XPO4: variants seen among roughly 807,000 people sequenced by gnomAD.
The protein encoded by XPO4 is exportin 4.
Under a neutral mutation model 143.0 loss-of-function variants are expected in XPO4, and 39 were observed. The ratio of observed to expected loss-of-function variants is 0.27; its 90% CI spans 0.21 to 0.36. The LOEUF (loss-of-function observed/expected upper bound fraction) is 0.36. XPO4 is among the 10% of genes least tolerant of loss of function. The pLI is 1.00. For synonymous variants in XPO4, 439 were observed against 474.0 expected (o/e 0.93, Z 0.96); for missense variants, 907 against 1,348.0 (o/e 0.67, Z 5.12).
At chr13:20,797,559 C>T (rs573308716) in intron 16 of XPO4, among the ~76,000 whole-genome samples, 10 of 152,150 alleles carry the variant, frequency 6.6e-5, no homozygotes, top group Admixed American at 3.3e-4. Flanking sequence ...TATCTTAATT[C>T]GACTTTAAGT....
intron 1 of XPO4, among the ~76,000 whole-genome samples, chr13:20,897,223 C>T (rs1032266373): frequency 7.2e-5 from 11 of 152,038 alleles, no homozygotes; most frequent in African/African-American, 1.2e-4. Flanking sequence ...ATTTTTATGA[C>T]GTGTACTGTG....
chr13:20,821,072 T>C (rs552166411), intron 9 of XPO4, among the ~76,000 whole-genome samples: 1 of 152,286 alleles, frequency 6.6e-6, no homozygotes, highest in East Asian at 1.9e-4. Context: ...TTAGTAGACG[T>C]CTAAATTTAA....
chr13:20,809,659 A>G (rs1217208372), intron 10 of XPO4, 132 bp downstream of exon 10: 2 of 1,001,424 alleles, frequency 2.0e-6, no homozygotes, highest in Non-Finnish European at 2.8e-6. Flanking sequence ...TCAGAGAACA[A>G]GGCCACTTTT....
intron 22 of XPO4, 98 bp downstream of exon 22, chr13:20,786,867 G>T: frequency 3.3e-6 from 3 of 895,850 alleles, no homozygotes; most frequent in South Asian, 2.1e-5. Flanking sequence ...CTGAGTCACA[G>T]ATCCTATAAG....
In XPO4 at chr13:20,779,918, T is replaced by C. The variant is rs2059121794; in HGVS notation, c.*3804A>G. On this transcript the variant is annotated 3_prime_UTR_variant, in exon 23 of 23. Transcript: ENST00000255305. ...CTCAGCAATATGCCTAATTTGGACA[T>C]TTTAATTTTAGAAAACCAATTTTTA... 2 of 152,568 alleles carry C rather than the reference T, an allele frequency of 1.3e-5. No individual in the cohort carries two copies. Among genetic ancestry groups the C allele is most frequent in the South Asian group, 4.1e-4 (2 of 4,834 alleles). The allele number at this position is 152,568 out of a possible 1,614,324, so 9.5% of individuals were successfully genotyped here. A position where few individuals can be genotyped will look rare whatever the true frequency, so the allele number is the denominator to read the frequency against.
At position 20,842,991 on chromosome 13, in the gene XPO4, T is replaced by G; in HGVS notation, c.631A>C (p.Arg211=). The change falls in exon 6 of 23, where the codon AGG becomes CGG. Residue 211 remains arginine (R), a synonymous_variant. Transcript: ENST00000255305. The stretch of plus-strand genomic sequence containing the variant: ...ATCTGAGCATTGAGGTTTTCCCGCC[T>G]GCTGAACTCCTGCAGAACTTCAACA... ...LTVEVLQEFS[R]RENLNAQMSS... 6.2e-7 allele frequency: 1 copy of G among 1,613,468 alleles called. No individual in the cohort carries two copies. The highest frequency in any genetic ancestry group is 1.7e-5 in the Admixed American group (1 of 60,004).
intron 18 of XPO4, among the ~76,000 whole-genome samples, chr13:20,792,367 C>T (rs924680730): frequency 1.5e-4 from 23 of 151,742 alleles, no homozygotes; most frequent in Non-Finnish European, 1.0e-4. Context: ...GTGAGACAGG[C>T]GGATCACGAG....
chr13:20,881,447 T>A (rs771693949), intron 1 of XPO4, among the ~76,000 whole-genome samples: 8 of 152,094 alleles, frequency 5.3e-5, no homozygotes, highest in African/African-American at 9.6e-5. Flanking sequence ...TTTTTTGGTA[T>A]TTTTAGTAGA....
intron 1 of XPO4, among the ~76,000 whole-genome samples, chr13:20,895,730 T>C (rs183546186): frequency 2.6e-5 from 4 of 152,290 alleles, no homozygotes; most frequent in African/African-American, 4.8e-5. Flanking sequence ...AATGGGATCA[T>C]ATATTCTATT....
rs996175303 is a variant in XPO4, at chr13:20,848,875, A to G, written c.457-4989T>C. 1.4e-5 allele frequency: 14 copies of G among 985,296 alleles called. No individual in the cohort carries two copies. In the African/African-American group the frequency reaches 2.1e-4, roughly 15 times the overall value. The allele number at this position is 985,296 out of a possible 1,614,324, so 61.0% of individuals were successfully genotyped here. On this transcript the variant is annotated intron_variant, in intron 4 of 22. Coordinates refer to ENST00000255305, the MANE Select transcript of XPO4 (RefSeq NM_022459.5). ...TGCAATGAGGTGTCAAAGTTATAAAAAAAAGTCTAATTGTCTTCTTTCATT... is the reference window on the plus strand; with the variant it reads ...TGCAATGAGGTGTCAAAGTTATAAAGAAAAGTCTAATTGTCTTCTTTCATT...
chr13:20,835,197 C>G (rs2059901852), intron 6 of XPO4, among the ~76,000 whole-genome samples: 1 of 152,052 alleles, frequency 6.6e-6, no homozygotes, highest in Admixed American at 6.6e-5. Flanking sequence ...GGTACAATGC[C>G]AGGTACAAAT....
chr13:20,823,968 T>C (rs982048136), intron 7 of XPO4, among the ~76,000 whole-genome samples: 1 of 152,194 alleles, frequency 6.6e-6, no homozygotes. Flanking sequence ...CACATTTTAA[T>C]GACCATCAAT....
At position 20,796,258 on chromosome 13, in the gene XPO4, TGA is replaced by T; in HGVS notation, c.2617-4_2617-3del. On this transcript the variant is annotated splice_polypyrimidine_tract_variant and splice_region_variant and intron_variant, in intron 17 of 22. Coordinates refer to ENST00000255305, the MANE Select transcript of XPO4 (RefSeq NM_022459.5). Reference sequence around the variant, plus strand: ...TTCATATAAGTTCATAGCTTTGGACTGAAAAAAAAAAAAATGCACAAATTATG... The same window carrying T: ...TTCATATAAGTTCATAGCTTTGGACTAAAAAAAAAAAATGCACAAATTATG... The T allele has an allele frequency of 2.0e-6, 3 of 1,521,884 alleles. No individual in the cohort carries two copies. Among genetic ancestry groups the T allele is most frequent in the South Asian group, 1.3e-5 (1 of 75,260 alleles). The allele number at this position is 1,521,884 out of a possible 1,614,324, so 94.3% of individuals were successfully genotyped here.
intron 9 of XPO4, among the ~76,000 whole-genome samples, chr13:20,818,248 G>A (rs951346136): frequency 1.3e-5 from 2 of 152,094 alleles, no homozygotes; most frequent in East Asian, 1.9e-4. Flanking sequence ...AGAGAAACTT[G>A]GCTGAATACC....
intron 1 of XPO4, among the ~76,000 whole-genome samples, chr13:20,887,367 GTA>G (rs1319783880): frequency 6.6e-6 from 1 of 151,882 alleles, no homozygotes; most frequent in Non-Finnish European, 1.5e-5. Context: ...ATTCCACGTT[GTA>G]TATATATATT....
chr13:20,848,825 AAT>A (rs1454376671), intron 4 of XPO4: 2 of 985,230 alleles, frequency 2.0e-6, no homozygotes, highest in Non-Finnish European at 2.4e-6. Context: ...AGACAATTTT[AAT>A]ATGTCAAACA....
chr13:20,900,053 G>C (rs1468221111), intron 1 of XPO4, among the ~76,000 whole-genome samples: 1 of 152,144 alleles, frequency 6.6e-6, no homozygotes, highest in African/African-American at 2.4e-5. Context: ...AGATTACTTA[G>C]CATCTACATG....
chr13:20,899,663 C>T (rs914693324), intron 1 of XPO4, among the ~76,000 whole-genome samples: 1 of 152,172 alleles, frequency 6.6e-6, no homozygotes, highest in African/African-American at 2.4e-5. Context: ...ACCAAAAGAT[C>T]TAAGATTCTT....
chr13:20,862,624 C>T, intron 3 of XPO4, 93 bp downstream of exon 3: 1 of 1,541,476 alleles, frequency 6.5e-7, no homozygotes, highest in East Asian at 2.3e-5. Flanking sequence ...CTATACCCAC[C>T]CAAAAGTTTT....
Sources: gnomAD v4.1 joint callset for allele counts (sites outside exome capture counted in the v4.1 genomes callset) on GRCh38, gnomAD v4.1.1 for gene constraint, MANE v1.5 for transcripts, NCBI Gene and HGNC (gene_info 2026-07-23, HGNC 2026-07-21) for gene names.